LRRC56: variants seen among roughly 807,000 people sequenced by gnomAD.
The protein encoded by LRRC56 is leucine-rich repeat-containing protein 56.
LRRC56 carries 41 observed loss-of-function variants against 47.8 expected under a neutral mutation model. The observed-to-expected ratio is 0.86, with a 90% CI of 0.67 to 1.11. The LOEUF (loss-of-function observed/expected upper bound fraction) is 1.11. Ranked by LOEUF, LRRC56 falls within the 50% of genes most tolerant of loss-of-function variation. The pLI is 0.00. For missense variants in LRRC56, 759 were observed against 704.2 expected (o/e 1.08, Z -0.88); for synonymous variants, 387 against 311.2 (o/e 1.24, Z -2.56).
chr11:518,380 A>C, the LRRC56 span, among the ~76,000 whole-genome samples: 1 of 151,982 alleles, frequency 6.6e-6, no homozygotes. Context: ...ACGGGGTTTC[A>C]TGGTGTTAGC....
In LRRC56 at chr11:549,973, G is replaced by C. The variant is rs760404776; in HGVS notation, c.398G>C (p.Gly133Ala). 6.2e-7 allele frequency: 1 copy of C among 1,612,756 alleles called. No homozygotes were observed. Among genetic ancestry groups the C allele is most frequent in the South Asian group, 1.1e-5 (1 of 91,076 alleles). Residue 133 changes from glycine (G) to alanine (A), a missense_variant, in exon 7 of 14, where the codon GGC becomes GCC. Gly to Ala is a moderately conservative substitution (Grantham distance 60). Coordinates refer to ENST00000270115, the MANE Select transcript of LRRC56 (RefSeq NM_198075.4). The part of the protein sequence containing the change: ...LARCGLADLD[G>A]IASLPALKEL... ...CGCTGTGGCCTCGCTGACCTGGATG[G>C]CATCGCCTCTTTGCCAGCACTTAAG...
At chr11:542,595 A>C (rs1851853447) in intron 5 of LRRC56, among the ~76,000 whole-genome samples, 1 of 149,494 alleles carries the variant, frequency 6.7e-6, no homozygotes, top group Non-Finnish European at 1.5e-5. Context: ...AAAAAAAAAA[A>C]AAAAAAAAAC....
In LRRC56 at chr11:554,555, G is replaced by T. The variant is rs1852652457; in HGVS notation, c.*279G>T. The T allele has an allele frequency of 1.2e-5, 5 of 415,930 alleles. No homozygotes were observed. The South Asian group carries it at 3.4e-4, about 28-fold the overall frequency. 25.8% of individuals were successfully genotyped at this position (415,930 alleles called of 1,614,324 possible). On this transcript the variant is annotated 3_prime_UTR_variant, in exon 14 of 14. Coordinates refer to ENST00000270115, the MANE Select transcript of LRRC56 (RefSeq NM_198075.4). ...GCCAGGCTTTCCCGCGGGCACGGGG[G>T]TGGGGGGTGGTCACCCGAGCAGGCC...
intron 3 of LRRC56, among the ~76,000 whole-genome samples, chr11:540,264 C>G (rs1403181812): frequency 6.6e-6 from 1 of 152,186 alleles, no homozygotes; most frequent in Non-Finnish European, 1.5e-5. Context: ...GGAGAAGGAC[C>G]CATAGCCCAC....
At chr11:533,265 C>T (rs1269830514), upstream of LRRC56, 1 of 1,573,772 alleles carries the variant, frequency 6.4e-7, no homozygotes, top group Non-Finnish European at 8.6e-7. Context: ...CCTGCCGTCC[C>T]GGGAGACTTA....
the LRRC56 span, among the ~76,000 whole-genome samples, chr11:512,738 A>G: frequency 6.6e-6 from 1 of 152,242 alleles, no homozygotes; most frequent in African/African-American, 2.4e-5. Flanking sequence ...TCAATACTAT[A>G]TGAGTGGTAT....
chr11:553,071 C>G (rs1482216315), intron 13 of LRRC56, among the ~76,000 whole-genome samples: 1 of 152,242 alleles, frequency 6.6e-6, no homozygotes, highest in Non-Finnish European at 1.5e-5. Flanking sequence ...TTCAGGGACA[C>G]AGGCATGAGT....
At chr11:549,708 C>G (rs990699184) in intron 6 of LRRC56, among the ~76,000 whole-genome samples, 194 bp from the exon 7 acceptor site, 1 of 152,266 alleles carries the variant, frequency 6.6e-6, no homozygotes, top group Non-Finnish European at 1.5e-5. Context: ...AAGCCAGGCC[C>G]TCCAGGGCTT....
chr11:551,397 T>A (rs559244590), intron 9 of LRRC56, 95 bp downstream of exon 9: 3 of 894,314 alleles, frequency 3.4e-6, no homozygotes, highest in Non-Finnish European at 5.1e-6. Context: ...GATAGCCACA[T>A]CTCATGCGCT....
At chr11:520,266 C>A in the LRRC56 span, among the ~76,000 whole-genome samples, 1 of 137,208 alleles carries the variant, frequency 7.3e-6, no homozygotes, top group South Asian at 2.3e-4. Context: ...TAGAACGCGG[C>A]CTGATACACA....
At chr11:510,420 G>A in the LRRC56 span, among the ~76,000 whole-genome samples, 7 of 151,864 alleles carry the variant, frequency 4.6e-5, no homozygotes, top group African/African-American at 1.7e-4. Flanking sequence ...TGGCCAACAT[G>A]GTGAAACCCC....
the LRRC56 span, among the ~76,000 whole-genome samples, chr11:531,825 G>A: frequency 2.0e-5 from 3 of 152,220 alleles, no homozygotes; most frequent in Non-Finnish European, 4.4e-5. Flanking sequence ...CCCAGGAGGC[G>A]GGGTCCCTAT....
chr11:546,240 T>C (rs1485224124), intron 6 of LRRC56, among the ~76,000 whole-genome samples: 1 of 150,524 alleles, frequency 6.6e-6, no homozygotes, highest in Non-Finnish European at 1.5e-5. Context: ...ACCACTACAC[T>C]CCAGCCGGGG....
At chr11:533,413 G>A (rs771931917), upstream of LRRC56, 4 of 1,609,302 alleles carry the variant, frequency 2.5e-6, no homozygotes, top group Non-Finnish European at 3.4e-6. Flanking sequence ...GCGGGGCGGG[G>A]CGGGTCCCTG....
At chr11:531,071 C>T in the LRRC56 span, among the ~76,000 whole-genome samples, 1 of 120,092 alleles carries the variant, frequency 8.3e-6, no homozygotes, top group Admixed American at 8.3e-5. Context: ...GCGAGTGTGG[C>T]GTCCCCTGGA....
chr11:547,782 A>G (rs1852166494), intron 6 of LRRC56, among the ~76,000 whole-genome samples: 1 of 152,246 alleles, frequency 6.6e-6, no homozygotes, highest in Non-Finnish European at 1.5e-5. Context: ...CACTACCTGT[A>G]ACAAAACAAA....
At chr11:528,469 C>T in the LRRC56 span, 1 of 152,088 alleles carries the variant, frequency 6.6e-6, no homozygotes, top group African/African-American at 2.4e-5. Context: ...GGGCCTCCAG[C>T]AAGGGGGGAC....
chr11:542,367 G>A (rs1418775995), intron 5 of LRRC56, among the ~76,000 whole-genome samples: 3 of 152,176 alleles, frequency 2.0e-5, no homozygotes, highest in African/African-American at 4.8e-5. Flanking sequence ...TCCCAGCACC[G>A]TGGGAGTCCA....
the LRRC56 span, among the ~76,000 whole-genome samples, chr11:528,002 A>G: frequency 6.8e-6 from 1 of 146,982 alleles, no homozygotes; most frequent in Non-Finnish European, 1.5e-5. Context: ...CACCCGGCCA[A>G]TTTTTGTATT....
Sources: gnomAD v4.1 joint callset for allele counts (sites outside exome capture counted in the v4.1 genomes callset) on GRCh38, gnomAD v4.1.1 for gene constraint, MANE v1.5 for transcripts, NCBI Gene and HGNC (gene_info 2026-07-23, HGNC 2026-07-21) for gene names.